SYDE1: variants seen among roughly 807,000 people sequenced by gnomAD.
SYDE1 encodes the protein synapse defective Rho GTPase activating protein 1.
SYDE1 carries 34 observed loss-of-function variants against 63.3 expected under a neutral mutation model. That is an observed-to-expected ratio of 0.54 (90% confidence interval 0.41 to 0.71). The LOEUF (loss-of-function observed/expected upper bound fraction) is 0.71. Ranked by LOEUF, SYDE1 falls within the 30% of genes least tolerant of loss-of-function variation. The pLI, the probability that SYDE1 is intolerant of heterozygous loss-of-function variation, is 0.00. For missense variants in SYDE1, 925 were observed against 1,042.5 expected, an observed-to-expected ratio of 0.89 and a Z score of 1.55; for synonymous variants, 467 against 473.4, an observed-to-expected ratio of 0.99 and a Z score of 0.18.
chr19:15,111,033 G>A lies in SYDE1; in HGVS notation c.1291-280G>A, dbSNP rs1555719753. 1.3e-5 allele frequency among the ~76,000 whole-genome samples: 2 copies of A among 152,184 alleles called. No homozygotes were observed. The highest frequency in any genetic ancestry group is 2.4e-5 in the African/African-American group (1 of 41,430). Reference sequence around the variant, plus strand: ...AACTATAACTGGGACTGGAGTTGGGGTGGGGTGTACCTAGGGTCTGGGAGA... The same window carrying A: ...AACTATAACTGGGACTGGAGTTGGGATGGGGTGTACCTAGGGTCTGGGAGA... On this transcript the variant is annotated intron_variant, in intron 4 of 7. Transcript: ENST00000342784. This position sits in a 1 kb window ranked among gnomAD's most constrained non-coding sequence, Gnocchi z 5.5.
In SYDE1 at chr19:15,110,742, AC is replaced by A; in HGVS notation, c.1290+10del. 2 of 1,530,478 alleles carry A rather than the reference AC, an allele frequency of 1.3e-6. No homozygotes were observed. The highest frequency in any genetic ancestry group is 2.4e-5 in the East Asian group (1 of 41,072). 94.8% of individuals were successfully genotyped at this position (1,530,478 alleles called of 1,614,324 possible). On this transcript the variant is annotated splice_region_variant and intron_variant, in intron 4 of 7. Transcript: ENST00000342784. The surrounding 1 kb of genome is among the most constrained non-coding windows in gnomAD (Gnocchi z 6.9). ...CGAGCGCCGAGGGCTGCGGGTGAGC[AC>A]CCACCCCACCCCAACCCTCTGGCCC...
Position 15,110,591 on chromosome 19 carries a change from G to T in SYDE1, c.1146G>T (p.Ser382=). Residue 382 remains serine (S), a synonymous_variant, in exon 4 of 8, where the codon TCG becomes TCT. Coordinates refer to ENST00000342784, the MANE Select transcript of SYDE1 (RefSeq NM_033025.6). The surrounding 1 kb of genome is among the most constrained non-coding windows in gnomAD (Gnocchi z 6.9). The stretch of plus-strand genomic sequence containing the variant: ...TGCTGTATGCCAAGCTGACCCTGTC[G>T]GAGCAGCAGGAAGCCCCTGCCACAG... ...QGLLYAKLTL[S]EQQEAPATAE... 6.3e-7 allele frequency: 1 copy of T among 1,595,094 alleles called. No homozygotes were observed.
At chr19:15,112,316 C>G (rs1009035588) in intron 6 of SYDE1, 30 bp from the exon 7 acceptor site, 1 of 1,506,834 alleles carries the variant, frequency 6.6e-7, no homozygotes, top group African/African-American at 1.4e-5. Flanking sequence ...CTGACTTTGT[C>G]TGACTTACAT....
Position 15,110,254 on chromosome 19 carries a change from G to A in SYDE1, c.981G>A (p.Arg327=). ...TCCACCTGGAGCTGGAGGCCGCCAG[G>A]CTCCTGCGCGCCCTGGTGCTTGCGT... The part of the protein sequence containing the change: ...HTFHLELEAA[R]LLRALVLAWD... The change falls in exon 3 of 8, where the codon AGG becomes AGA. Residue 327 remains arginine (R), a synonymous_variant. Transcript: ENST00000342784. This position sits in a 1 kb window ranked among gnomAD's most constrained non-coding sequence, Gnocchi z 6.9. 1 of 1,412,982 alleles carries A rather than the reference G, an allele frequency of 7.1e-7. No individual in the cohort carries two copies. Among genetic ancestry groups the A allele is most frequent in the South Asian group, 1.6e-5 (1 of 63,154 alleles). The allele number at this position is 1,412,982 out of a possible 1,614,324, so 87.5% of individuals were successfully genotyped here.
Position 15,110,666 on chromosome 19 carries a change from G to A in SYDE1, c.1221G>A (p.Glu407=), listed in dbSNP as rs767139649. The A allele has an allele frequency of 2.5e-6, 4 of 1,585,188 alleles. No homozygotes were observed. The East Asian group carries it at 9.2e-5, about 37-fold the overall frequency. ...CCCTGCCACTGCTGGTGGAGCGGGA[G>A]CGGCCCCCCGGCCAGGTGCCCCTCA... ...GLPLPLLVER[E]RPPGQVPLII... The change falls in exon 4 of 8, where the codon GAG becomes GAA. Residue 407 remains glutamate, a synonymous_variant. Coordinates refer to ENST00000342784, the MANE Select transcript of SYDE1 (RefSeq NM_033025.6). This position sits in a 1 kb window ranked among gnomAD's most constrained non-coding sequence, Gnocchi z 6.9.
chr19:15,107,981 GCCTCCCA>G (rs2046318053), intron 1 of SYDE1, among the ~76,000 whole-genome samples: 2 of 152,142 alleles, frequency 1.3e-5, no homozygotes, highest in South Asian at 4.1e-4. Context: ...TGCCCCCTCC[GCCTCCCA>G]CCTACTAACA....
At position 15,110,168 on chromosome 19, in the gene SYDE1, G is replaced by A; in HGVS notation, c.895G>A (p.Ala299Thr). 7.1e-7 allele frequency: 1 copy of A among 1,407,380 alleles called. No individual in the cohort carries two copies. The highest frequency in any genetic ancestry group is 1.5e-5 in the African/African-American group (1 of 66,296). The allele number at this position is 1,407,380 out of a possible 1,614,324, so 87.2% of individuals were successfully genotyped here. A position where few individuals can be genotyped will look rare whatever the true frequency, so the allele number is the denominator to read the frequency against. ...LCCLLQVDGE[A>T]RARTGPLRGG... ...CTGCCTACTGCAAGTGGATGGGGAG[G>A]CCAGGGCCCGAACAGGGCCACTGCG... is the stretch of plus-strand genomic sequence containing the variant. Residue 299 changes from alanine to threonine, a missense_variant, in exon 3 of 8, where the codon GCC becomes ACC. This residue lies in a region of SYDE1 where 599 missense variants were observed against 653.7 expected (regional missense o/e 0.92). Coordinates refer to ENST00000342784, the MANE Select transcript of SYDE1 (RefSeq NM_033025.6). The surrounding 1 kb of genome is among the most constrained non-coding windows in gnomAD (Gnocchi z 6.9).
At position 15,107,449 on chromosome 19, in the gene SYDE1, C is replaced by T; in HGVS notation, c.16C>T (p.Leu6Phe). MAEPL[L>F]RKTFSRLRGR... ...GGGCCGCAGCATGGCCGAGCCGCTA[C>T]TCAGGAAAACCTTCTCCCGCCTGCG... Residue 6 changes from leucine (L) to phenylalanine (F), a missense_variant, in exon 1 of 8, where the codon CTC becomes TTC. Around this residue, in one of 3 missense-constraint regions of SYDE1, gnomAD observed 599 missense variants for 653.7 expected, o/e 0.92. Coordinates refer to ENST00000342784, the MANE Select transcript of SYDE1 (RefSeq NM_033025.6). 2 of 1,493,232 alleles carry T rather than the reference C, an allele frequency of 1.3e-6. No homozygotes were observed. The highest frequency in any genetic ancestry group is 2.8e-5 in the African/African-American group (2 of 70,758). 92.5% of individuals were successfully genotyped at this position (1,493,232 alleles called of 1,614,324 possible).
rs748984741 is a variant in SYDE1, at chr19:15,111,718, G to T, written c.1504G>T (p.Asp502Tyr). Reference protein sequence around the residue: ...YKVVLEAMARDPPNRVPPTTE... With the variant: ...YKVVLEAMARYPPNRVPPTTE... ...GGTGGTACTGGAGGCCATGGCCCGG[G>T]ACCCCCCAAACAGAGTTCCCCCCAC... Residue 502 changes from aspartate to tyrosine, a missense_variant, in exon 6 of 8, where the codon GAC (aspartate) becomes TAC (tyrosine). Asp to Tyr is a radical substitution (Grantham distance 160). This residue lies in a region of SYDE1 where 71 missense variants were observed against 132.8 expected (regional missense o/e 0.53). Coordinates refer to ENST00000342784, the MANE Select transcript of SYDE1 (RefSeq NM_033025.6). This position sits in a 1 kb window ranked among gnomAD's most constrained non-coding sequence, Gnocchi z 5.5. The T allele has an allele frequency of 4.3e-6, 7 of 1,611,974 alleles. No individual in the cohort carries two copies. The African/African-American group carries it at 9.3e-5, about 22-fold the overall frequency.
chr19:15,112,337 C>T lies in SYDE1; in HGVS notation c.1579-9C>T, dbSNP rs765776155. ...TTGTCTGACTTACATCCTCTCAACC[C>T]TCTCCCAGGCCACGCTGACGCTTCT... On this transcript the variant is annotated splice_polypyrimidine_tract_variant and intron_variant, in intron 6 of 7. Coordinates refer to ENST00000342784, the MANE Select transcript of SYDE1 (RefSeq NM_033025.6). 4 of 1,551,242 alleles carry T rather than the reference C, an allele frequency of 2.6e-6. No homozygotes were observed. In the Admixed American group the frequency reaches 7.8e-5, roughly 30 times the overall value.
intron 1 of SYDE1, among the ~76,000 whole-genome samples, chr19:15,107,881 G>A (rs1329449256): frequency 2.0e-5 from 3 of 152,112 alleles, no homozygotes; most frequent in Non-Finnish European, 4.4e-5. Flanking sequence ...GCTGGGCAAG[G>A]GGCATCGGGA....
At position 15,114,412 on chromosome 19, in the gene SYDE1, C is replaced by G. The variant is rs984376696; in HGVS notation, c.*449C>G. 5.9e-6 allele frequency: 1 copy of G among 168,432 alleles called. No homozygotes were observed. The highest frequency in any genetic ancestry group is 1.3e-5 in the Non-Finnish European group (1 of 78,006). The allele number at this position is 168,432 out of a possible 1,614,324, so 10.4% of individuals were successfully genotyped here. A position where few individuals can be genotyped will look rare whatever the true frequency, so the allele number is the denominator to read the frequency against. ...TTGAGCACTGCACTGTTTCTCCCTC[C>G]CTTGGACGACACAAAGACTAGCATG... On this transcript the variant is annotated 3_prime_UTR_variant, in exon 8 of 8. Coordinates refer to ENST00000342784, the MANE Select transcript of SYDE1 (RefSeq NM_033025.6).
chr19:15,109,480 C>T lies in SYDE1; in HGVS notation c.430+83C>T. ...CCTTCAGGGTAGCACCAGCCTCACA[C>T]TCCCTCCTCCCAGAGGAGCACCAAC... On this transcript the variant is annotated intron_variant, in intron 2 of 7. Coordinates refer to ENST00000342784, the MANE Select transcript of SYDE1 (RefSeq NM_033025.6). The surrounding 1 kb of genome is among the most constrained non-coding windows in gnomAD (Gnocchi z 5.0). 1 of 1,420,074 alleles carries T rather than the reference C, an allele frequency of 7.0e-7. No individual in the cohort carries two copies. Among genetic ancestry groups the T allele is most frequent in the Non-Finnish European group, 9.3e-7 (1 of 1,070,698 alleles). 88.0% of individuals were successfully genotyped at this position (1,420,074 alleles called of 1,614,324 possible). A position where few individuals can be genotyped will look rare whatever the true frequency, so the allele number is the denominator to read the frequency against.
chr19:15,109,396 A>C lies in SYDE1; in HGVS notation c.429A>C (p.Gln143His), dbSNP rs764625570. ...CTGAGTCAGAGGGCCTGGCCCCCCA[A>C]GGTAAGAACAAGCTTCCCATCCCCT... ...GSAESEGLAP[Q>H]GAAPASPPTK... is the part of the protein sequence containing the mutation. The change falls in exon 2 of 8, where the codon CAA becomes CAC. Residue 143 changes from glutamine to histidine, a missense_variant and splice_region_variant. Transcript: ENST00000342784. The surrounding 1 kb of genome is among the most constrained non-coding windows in gnomAD (Gnocchi z 5.0). 1.2e-5 allele frequency: 18 copies of C among 1,537,736 alleles called. No individual in the cohort carries two copies. Among genetic ancestry groups the C allele is most frequent in the African/African-American group, 4.2e-5 (3 of 72,278 alleles).
Position 15,110,127 on chromosome 19 carries a change from C to A in SYDE1, c.854C>A (p.Thr285Asn). 7.1e-7 allele frequency: 1 copy of A among 1,406,668 alleles called. No homozygotes were observed. The highest frequency in any genetic ancestry group is 1.6e-5 in the South Asian group (1 of 63,744). 87.1% of individuals were successfully genotyped at this position (1,406,668 alleles called of 1,614,324 possible). ...LGGLRPAPGA[T>N]PRDLCCLLQV... ...GGGCTGCGGCCAGCGCCGGGGGCCA[C>A]CCCCAGGGACCTCTGCTGCCTACTG... The change falls in exon 3 of 8, where the codon ACC becomes AAC. Residue 285 changes from threonine (T) to asparagine (N), a missense_variant. Around this residue, in one of 3 missense-constraint regions of SYDE1, gnomAD observed 599 missense variants for 653.7 expected, o/e 0.92. Coordinates refer to ENST00000342784, the MANE Select transcript of SYDE1 (RefSeq NM_033025.6). This position sits in a 1 kb window ranked among gnomAD's most constrained non-coding sequence, Gnocchi z 6.9.
At position 15,109,479 on chromosome 19, in the gene SYDE1, AC is replaced by A; in HGVS notation, c.430+83del. The A allele has an allele frequency of 7.0e-7, 1 of 1,420,030 alleles. No homozygotes were observed. Among genetic ancestry groups the A allele is most frequent in the Non-Finnish European group, 9.3e-7 (1 of 1,073,010 alleles). 88.0% of individuals were successfully genotyped at this position (1,420,030 alleles called of 1,614,324 possible). A position where few individuals can be genotyped will look rare whatever the true frequency, so the allele number is the denominator to read the frequency against. ...CCCTTCAGGGTAGCACCAGCCTCAC[AC>A]TCCCTCCTCCCAGAGGAGCACCAAC... is the stretch of plus-strand genomic sequence containing the variant. On this transcript the variant is annotated intron_variant, in intron 2 of 7. Coordinates refer to ENST00000342784, the MANE Select transcript of SYDE1 (RefSeq NM_033025.6). The surrounding 1 kb of genome is among the most constrained non-coding windows in gnomAD (Gnocchi z 5.0).
At position 15,113,845 on chromosome 19, in the gene SYDE1, G is replaced by A. The variant is rs1318198877; in HGVS notation, c.2090G>A (p.Gly697Asp). 7 of 1,614,098 alleles carry A rather than the reference G, an allele frequency of 4.3e-6. No individual in the cohort carries two copies. The highest frequency in any genetic ancestry group is 5.9e-6 in the Non-Finnish European group (7 of 1,180,046). The change falls in exon 8 of 8, where the codon GGT (glycine) becomes GAT (aspartate). Residue 697 changes from glycine to aspartate, a missense_variant. By Grantham distance (94) the Gly-to-Asp change is moderately conservative. Coordinates refer to ENST00000342784, the MANE Select transcript of SYDE1 (RefSeq NM_033025.6). ...DEEVGEPRVTGDFEDDFDAPF... is the reference protein window; with the variant it reads ...DEEVGEPRVTDDFEDDFDAPF... ...GAGGTCGGCGAGCCGAGGGTCACCG[G>A]TGACTTCGAAGACGACTTCGATGCG...
rs2046325821 is a variant in SYDE1 at position 15,109,274 on chromosome 19, A to T, written c.307A>T (p.Thr103Ser). The T allele has an allele frequency of 6.2e-7, 1 of 1,611,452 alleles. No individual in the cohort carries two copies. The highest frequency in any genetic ancestry group is 1.3e-5 in the African/African-American group (1 of 74,998). The change falls in exon 2 of 8, where the codon ACT (threonine) becomes TCT (serine). Residue 103 changes from threonine (T) to serine (S), a missense_variant. Transcript: ENST00000342784. The surrounding 1 kb of genome is among the most constrained non-coding windows in gnomAD (Gnocchi z 5.0). ...DTSLGPGVPG[T>S]GEPAGEIWYN... is the part of the protein sequence containing the mutation. ...CTCTTTAGGGCCTGGGGTACCTGGC[A>T]CTGGGGAGCCCGCCGGCGAGATCTG...
Position 15,113,409 on chromosome 19 carries a change from G to C in SYDE1, c.1805-151G>C, listed in dbSNP as rs1055119208. The C allele has an allele frequency of 5.8e-5, 52 of 889,348 alleles. No individual in the cohort carries two copies. The African/African-American group carries it at 8.7e-4, about 15-fold the overall frequency. The allele number at this position is 889,348 out of a possible 1,614,324, so 55.1% of individuals were successfully genotyped here. ...TCTTGACATGCCAATCAGAGGCCTA[G>C]TTGCGTAAGCAACCAGTCCTAGCTC... On this transcript the variant is annotated intron_variant, in intron 7 of 7. Transcript: ENST00000342784.
Sources: allele counts gnomAD v4.1 joint callset (sites outside exome capture counted in the v4.1 genomes callset), GRCh38; gene constraint gnomAD v4.1.1; regional missense constraint gnomAD v4.1.1; non-coding constraint Gnocchi (gnomAD v3.1); transcripts MANE v1.5; gene names NCBI Gene and HGNC (gene_info 2026-07-23, HGNC 2026-07-21).